The following SLC35F3 variants were observed in gnomAD, a reference collection of about 807,000 sequenced individuals.
The protein encoded by SLC35F3 is solute carrier family 35 member F3, also known as putative thiamine transporter SLC35F3.
SLC35F3 carries 25 observed loss-of-function variants against 49.9 expected under a neutral mutation model. The ratio of observed to expected loss-of-function variants is 0.50; its 90% CI spans 0.37 to 0.70. The LOEUF (loss-of-function observed/expected upper bound fraction) is 0.70, where lower values mean the gene tolerates loss of function less well. Ranked by LOEUF, SLC35F3 falls within the 30% of genes least tolerant of loss-of-function variation. The probability of loss-of-function intolerance (pLI) is 0.00; values close to 1 mark genes in which losing one functional copy is unlikely to be tolerated. For missense variants in SLC35F3, 525 were observed against 639.8 expected, an observed-to-expected ratio of 0.82 and a Z score of 1.94; for synonymous variants, 275 against 265.4, an observed-to-expected ratio of 1.04 and a Z score of -0.35.
At chr1:234,048,889 T>A (rs1017166932) in intron 2 of SLC35F3, among the ~76,000 whole-genome samples, 1 of 152,222 alleles carries the variant, frequency 6.6e-6, no homozygotes, top group African/African-American at 2.4e-5. Context: ...CATCCCTCCC[T>A]TCTTTCTATC....
At chr1:234,105,971 C>A (rs138889519) in intron 2 of SLC35F3, among the ~76,000 whole-genome samples, 1 of 152,226 alleles carries the variant, frequency 6.6e-6, no homozygotes, top group South Asian at 2.1e-4. Context: ...TCTATTATTC[C>A]GGATGTCAGA....
At chr1:234,216,909 A>G (rs1161892035) in intron 2 of SLC35F3, among the ~76,000 whole-genome samples, 1 of 152,222 alleles carries the variant, frequency 6.6e-6, no homozygotes, top group East Asian at 1.9e-4. Flanking sequence ...TCGGGGCCTC[A>G]TAAAACCTGC....
At chr1:234,279,377 T>C (rs181576667) in intron 3 of SLC35F3, among the ~76,000 whole-genome samples, 1 of 152,324 alleles carries the variant, frequency 6.6e-6, no homozygotes, top group East Asian at 1.9e-4. Flanking sequence ...CAAGATTTAT[T>C]GCCCTTTCAC....
rs1299225023 is a variant in SLC35F3, at chr1:234,003,156, C to T, written c.283+97398C>T. On this transcript the variant is annotated intron_variant, in intron 2 of 7. Transcript: ENST00000366618. Reference sequence around the variant, plus strand: ...GAAGAGTGGTGTTGGAAACCAAGATCTGTGTGAATCTTTTCTTCCCATTGG... The same window carrying T: ...GAAGAGTGGTGTTGGAAACCAAGATTTGTGTGAATCTTTTCTTCCCATTGG... Among the ~76,000 whole-genome samples, 8 of 147,698 alleles carry T rather than the reference C, an allele frequency of 5.4e-5. No individual in the cohort carries two copies. In the Admixed American group the frequency reaches 5.4e-4, roughly 10 times the overall value.
chr1:234,292,944 C>A (rs1031576061), intron 3 of SLC35F3, among the ~76,000 whole-genome samples: 1 of 152,174 alleles, frequency 6.6e-6, no homozygotes, highest in Non-Finnish European at 1.5e-5. Flanking sequence ...TCCTAGAGGC[C>A]ATTGGACCTG....
intron 2 of SLC35F3, among the ~76,000 whole-genome samples, chr1:234,001,827 A>G (rs1184142642): frequency 6.6e-6 from 1 of 152,232 alleles, no homozygotes; most frequent in Non-Finnish European, 1.5e-5. Flanking sequence ...CTATTCCCCC[A>G]TCTTGCAGGG....
intron 2 of SLC35F3, among the ~76,000 whole-genome samples, chr1:234,156,183 T>C (rs945741838): frequency 1.3e-5 from 2 of 152,046 alleles, no homozygotes; most frequent in Non-Finnish European, 1.5e-5. Context: ...TGTCAAGAAA[T>C]AGAACAAAGG....
At chr1:234,054,221 T>TA (rs2102859115) in intron 2 of SLC35F3, among the ~76,000 whole-genome samples, 1 of 152,340 alleles carries the variant, frequency 6.6e-6, no homozygotes, top group South Asian at 2.1e-4. Context: ...TCCTGGATAA[T>TA]ATCCTGCAAA....
At chr1:233,951,859 A>C (rs1237857433) in intron 2 of SLC35F3, among the ~76,000 whole-genome samples, 1 of 152,102 alleles carries the variant, frequency 6.6e-6, no homozygotes, top group Non-Finnish European at 1.5e-5. Context: ...GGCATGAACC[A>C]CCATGCCCAG....
chr1:234,044,514 T>G (rs890227880), intron 2 of SLC35F3, among the ~76,000 whole-genome samples: 1 of 152,208 alleles, frequency 6.6e-6, no homozygotes, highest in Non-Finnish European at 1.5e-5. Flanking sequence ...TTCTAGATAT[T>G]GCCAAATTGC....
At chr1:234,293,305 G>T (rs987752633) in intron 3 of SLC35F3, among the ~76,000 whole-genome samples, 3 of 152,234 alleles carry the variant, frequency 2.0e-5, no homozygotes, top group African/African-American at 7.2e-5. Context: ...CCCTGAGGAT[G>T]GCAGCTTCCG....
intron 3 of SLC35F3, among the ~76,000 whole-genome samples, chr1:234,303,087 A>G (rs1256378998): frequency 6.6e-6 from 1 of 152,054 alleles, no homozygotes; most frequent in Non-Finnish European, 1.5e-5. Flanking sequence ...TCTGATTTCT[A>G]TCTCACCCTA....
intron 3 of SLC35F3, among the ~76,000 whole-genome samples, chr1:234,250,425 C>T (rs1226700201): frequency 3.3e-5 from 5 of 151,994 alleles, no homozygotes; most frequent in Admixed American, 2.6e-4. Flanking sequence ...GAGGCCGAGG[C>T]GGGCGGATCA....
At chr1:234,015,550 C>G (rs1416681955) in intron 2 of SLC35F3, among the ~76,000 whole-genome samples, 2 of 152,066 alleles carry the variant, frequency 1.3e-5, no homozygotes, top group Non-Finnish European at 2.9e-5. Context: ...CAAGAACACA[C>G]TATGGGGGAA....
intron 2 of SLC35F3, among the ~76,000 whole-genome samples, chr1:234,191,628 AC>A (rs1258577640): frequency 4.6e-4 from 60 of 130,808 alleles, no homozygotes; most frequent in African/African-American, 2.3e-3. Context: ...TGAAACAACA[AC>A]AAAAAAAAAT....
chr1:233,998,524 T>C (rs969504937), intron 2 of SLC35F3, among the ~76,000 whole-genome samples: 1 of 151,072 alleles, frequency 6.6e-6, no homozygotes, highest in Non-Finnish European at 1.5e-5. Context: ...TATGCCTGAC[T>C]AGTGTAGTGA....
At position 234,246,914 on chromosome 1, in the gene SLC35F3, G is replaced by T. The variant is rs564033312; in HGVS notation, c.608+15173G>T. Among the ~76,000 whole-genome samples, 78 of 152,314 alleles carry T rather than the reference G, an allele frequency of 5.1e-4. 1 individual carries two copies. The highest frequency in any genetic ancestry group is 1.9e-3 in the African/African-American group (77 of 41,556). The stretch of plus-strand genomic sequence containing the variant: ...TCAAGTCAGATGGTGTCGGTCGGGG[G>T]TAAGGCCAGACCATGGTGCTGTCCT... On this transcript the variant is annotated intron_variant, in intron 3 of 7. Transcript: ENST00000366618.
At chr1:233,970,765 G>A (rs1340987273) in intron 2 of SLC35F3, among the ~76,000 whole-genome samples, 2 of 152,196 alleles carry the variant, frequency 1.3e-5, no homozygotes, top group Non-Finnish European at 2.9e-5. Flanking sequence ...GCAGGCTAAG[G>A]AGAGAGGCCT....
At chr1:234,072,966 C>T (rs913005700) in intron 2 of SLC35F3, among the ~76,000 whole-genome samples, 2 of 152,054 alleles carry the variant, frequency 1.3e-5, no homozygotes, top group Admixed American at 6.5e-5. Flanking sequence ...GGAGGACAGG[C>T]GTGGGCACTG....
Sources: gnomAD v4.1 joint callset for allele counts (sites outside exome capture counted in the v4.1 genomes callset) on GRCh38, gnomAD v4.1.1 for gene constraint, MANE v1.5 for transcripts, NCBI Gene and HGNC (gene_info 2026-07-23, HGNC 2026-07-21) for gene names.